Variants in CERS1 observed in about 807,000 individuals in gnomAD.
The protein encoded by CERS1 is Embryonic growth/differentiation factor 1.
In CERS1, 16 loss-of-function variants were observed where a neutral mutation model predicts 35.7. That is an observed-to-expected ratio of 0.45 (90% CI 0.30 to 0.68). The LOEUF (loss-of-function observed/expected upper bound fraction) is 0.68, where lower values mean the gene tolerates loss of function less well. CERS1 is among the 30% of genes least tolerant of loss of function. The pLI, the probability that CERS1 is intolerant of heterozygous loss-of-function variation, is 0.08. For missense variants in CERS1, 454 were observed against 453.9 expected (o/e 1.00, Z 0.00); for synonymous variants, 243 against 201.6 (o/e 1.21, Z -1.74).
chr19:18,884,673 C>G lies in CERS1; in HGVS notation c.410-406G>C, dbSNP rs2056305678. Among the ~76,000 whole-genome samples, 2 of 141,326 alleles carry G rather than the reference C, an allele frequency of 1.4e-5. 1 individual carries two copies. Among genetic ancestry groups the G allele is most frequent in the South Asian group, 4.6e-4 (2 of 4,362 alleles). The allele number at this position is 141,326 out of a possible 152,430, so 92.7% of individuals were successfully genotyped here. Reference sequence around the variant, plus strand: ...TCACCTGCCTCGGCCTCCCAAAGTTCTGGGATTACAGGCGTGAGCCACCCC... The same window carrying G: ...TCACCTGCCTCGGCCTCCCAAAGTTGTGGGATTACAGGCGTGAGCCACCCC... On this transcript the variant is annotated intron_variant, in intron 2 of 7. Coordinates refer to ENST00000623882, the MANE Select transcript of CERS1 (RefSeq NM_021267.5).
chr19:18,884,795 C>T (rs1253059173), intron 2 of CERS1, among the ~76,000 whole-genome samples: 1 of 138,918 alleles, frequency 7.2e-6, no homozygotes, highest in Non-Finnish European at 1.5e-5. Context: ...CTCACTGCAA[C>T]CTCCACCTCC....
At position 18,878,110 on chromosome 19, in the gene CERS1, G is replaced by A. The variant is rs1248525174; in HGVS notation, c.1010+820C>T. ...GAGCCACTGCTTCCCTGAAACCATC[G>A]TTCCCACGTCACCGATGGCCCCCAC... On this transcript the variant is annotated intron_variant, in intron 6 of 7. Coordinates refer to ENST00000623882, the MANE Select transcript of CERS1 (RefSeq NM_021267.5). The surrounding 1 kb of genome is among the most constrained non-coding windows in gnomAD (Gnocchi z 4.6). 6.1e-6 allele frequency: 6 copies of A among 985,378 alleles called. No homozygotes were observed. Among genetic ancestry groups the A allele is most frequent in the South Asian group, 4.7e-5 (1 of 21,278 alleles). 61.0% of individuals were successfully genotyped at this position (985,378 alleles called of 1,614,324 possible).
At chr19:18,886,287 C>A (rs370192977) in intron 2 of CERS1, among the ~76,000 whole-genome samples, 2 of 152,122 alleles carry the variant, frequency 1.3e-5, no homozygotes, top group South Asian at 4.2e-4. Flanking sequence ...CAGTGGCTCA[C>A]GCCTGTAATC....
In CERS1 at chr19:18,880,492, T is replaced by C. The variant is rs1316794663; in HGVS notation, c.591-57A>G. ...AGCTCACATTGGGGGACCTCCACTCTGCACTAAGGCCCCCAGCAGAGTCCC... is the reference window on the plus strand; with the variant it reads ...AGCTCACATTGGGGGACCTCCACTCCGCACTAAGGCCCCCAGCAGAGTCCC... On this transcript the variant is annotated intron_variant, in intron 3 of 7. Transcript: ENST00000623882. The C allele has an allele frequency of 1.1e-5, 17 of 1,485,582 alleles. No individual in the cohort carries two copies. The South Asian group carries it at 2.0e-4, about 17-fold the overall frequency. 92.0% of individuals were successfully genotyped at this position (1,485,582 alleles called of 1,614,324 possible).
At chr19:18,894,072 G>A (rs1016624143) in intron 1 of CERS1, among the ~76,000 whole-genome samples, 1 of 151,830 alleles carries the variant, frequency 6.6e-6, no homozygotes, top group African/African-American at 2.4e-5. Context: ...GGAGAGACTA[G>A]GGGGAAGGTG....
At chr19:18,871,270 A>T (rs2145991941) in intron 6 of CERS1, among the ~76,000 whole-genome samples, 2 of 137,432 alleles carry the variant, frequency 1.5e-5, no homozygotes, top group Non-Finnish European at 1.5e-5. Flanking sequence ...TCTGTTGCCT[A>T]GTCTGGAGTG....
intron 2 of CERS1, 33 bp from the exon 3 acceptor site, chr19:18,884,300 T>C: frequency 7.0e-6 from 11 of 1,582,680 alleles, no homozygotes; most frequent in Non-Finnish European, 9.4e-6. Flanking sequence ...GTCAGGGCCC[T>C]GCGAAGCCTC....
Position 18,871,784 on chromosome 19 carries a change from C to CCAT in CERS1, c.1011-1168_1011-1166dup, listed in dbSNP as rs1181799881. Among the ~76,000 whole-genome samples, 4 of 152,198 alleles carry CCAT rather than the reference C, an allele frequency of 2.6e-5. No individual in the cohort carries two copies. In the East Asian group the frequency reaches 7.7e-4, roughly 29 times the overall value. On this transcript the variant is annotated intron_variant, in intron 6 of 7. Transcript: ENST00000623882. ...AGGAGATAAGCCTTGCTTGGACCTC[C>CCAT]CATCTGTCACTTGTCTTCTGATTTT... is the stretch of plus-strand genomic sequence containing the variant.
chr19:18,868,805 A>G lies in CERS1; in HGVS notation c.*1180T>C, dbSNP rs1208767118. ...CGGCCCCCCGGACCCCGACAGCGCGACGGGCAGCGCGCACTGACCCTGGCA... is the reference window on the plus strand; with the variant it reads ...CGGCCCCCCGGACCCCGACAGCGCGGCGGGCAGCGCGCACTGACCCTGGCA... On this transcript the variant is annotated 3_prime_UTR_variant, in exon 8 of 8. Transcript: ENST00000623882. 4 of 1,456,088 alleles carry G rather than the reference A, an allele frequency of 2.7e-6. No individual in the cohort carries two copies. The highest frequency in any genetic ancestry group is 3.0e-5 in the African/African-American group (2 of 66,902). 90.2% of individuals were successfully genotyped at this position (1,456,088 alleles called of 1,614,324 possible). A position where few individuals can be genotyped will look rare whatever the true frequency, so the allele number is the denominator to read the frequency against.
In CERS1 at chr19:18,895,905, C is replaced by A; in HGVS notation, c.168G>T (p.Ala56=). 1 of 1,251,860 alleles carries A rather than the reference C, an allele frequency of 8.0e-7. No individual in the cohort carries two copies. Among genetic ancestry groups the A allele is most frequent in the Non-Finnish European group, 1.0e-6 (1 of 997,080 alleles). 77.5% of individuals were successfully genotyped at this position (1,251,860 alleles called of 1,614,324 possible). A position where few individuals can be genotyped will look rare whatever the true frequency, so the allele number is the denominator to read the frequency against. The stretch of plus-strand genomic sequence containing the variant: ...GCGCCAGCAGCAGCAGCTCGGGCGG[C>A]GCCAGGTGCGCGTGCTCAGCCAGGC... ...RRGLAEHAHL[A]PPELLLLALG... The change falls in exon 1 of 8, where the codon GCG becomes GCT. Residue 56 remains alanine, a synonymous_variant. Coordinates refer to ENST00000623882, the MANE Select transcript of CERS1 (RefSeq NM_021267.5). The surrounding 1 kb of genome is among the most constrained non-coding windows in gnomAD (Gnocchi z 6.4).
chr19:18,869,239 C>CGGGGCT lies in CERS1; in HGVS notation c.*740_*745dup, dbSNP rs2055914092. The CGGGGCT allele has an allele frequency of 4.2e-6, 6 of 1,418,050 alleles. No individual in the cohort carries two copies. The highest frequency in any genetic ancestry group is 4.6e-6 in the Non-Finnish European group (5 of 1,097,200). The allele number at this position is 1,418,050 out of a possible 1,614,324, so 87.8% of individuals were successfully genotyped here. A position where few individuals can be genotyped will look rare whatever the true frequency, so the allele number is the denominator to read the frequency against. ...CCACGCTCAGCTCCCAGCCGCCCTC[C>CGGGGCT]GGGGCTGCCGCCGCCGCCGCCGCGA... is the stretch of plus-strand genomic sequence containing the variant. On this transcript the variant is annotated 3_prime_UTR_variant, in exon 8 of 8. Transcript: ENST00000623882.
chr19:18,884,872 C>G (rs1400276803), intron 2 of CERS1, among the ~76,000 whole-genome samples: 3 of 151,890 alleles, frequency 2.0e-5, no homozygotes, highest in African/African-American at 7.3e-5. Context: ...GGACACCATG[C>G]CCGGCTAATT....
At chr19:18,877,250 C>T (rs998527272) in intron 6 of CERS1, among the ~76,000 whole-genome samples, 12 of 152,148 alleles carry the variant, frequency 7.9e-5, no homozygotes, top group African/African-American at 2.4e-4. Context: ...ACATCCTCAG[C>T]GGGGACAGAG....
At chr19:18,881,571 C>T (rs1394472841) in intron 3 of CERS1, 1 of 152,166 alleles carries the variant, frequency 6.6e-6, no homozygotes, top group African/African-American at 2.4e-5. Flanking sequence ...TCCACAGAGT[C>T]TCCATCTGAC....
At chr19:18,881,828 A>G (rs1454862715) in intron 3 of CERS1, 1 of 150,726 alleles carries the variant, frequency 6.6e-6, no homozygotes, top group Non-Finnish European at 1.5e-5. Context: ...TGCAGCCACA[A>G]TTTTTTTTTG....
At position 18,895,911 on chromosome 19, in the gene CERS1, G is replaced by T; in HGVS notation, c.162C>A (p.His54Gln). ...LARRGLAEHA[H>Q]LAPPELLLLA... ...GCAGCAGCAGCTCGGGCGGCGCCAG[G>T]TGCGCGTGCTCAGCCAGGCCGCGAC... Residue 54 changes from histidine (H) to glutamine (Q), a missense_variant, in exon 1 of 8, where the codon CAC becomes CAA. By Grantham distance (24) the His-to-Gln change is conservative. Transcript: ENST00000623882. The surrounding 1 kb of genome is among the most constrained non-coding windows in gnomAD (Gnocchi z 6.4). 1 of 1,249,564 alleles carries T rather than the reference G, an allele frequency of 8.0e-7. No homozygotes were observed. The highest frequency in any genetic ancestry group is 2.3e-5 in the South Asian group (1 of 44,394). The allele number at this position is 1,249,564 out of a possible 1,614,324, so 77.4% of individuals were successfully genotyped here. A position where few individuals can be genotyped will look rare whatever the true frequency, so the allele number is the denominator to read the frequency against.
At position 18,879,050 on chromosome 19, in the gene CERS1, G is replaced by A. The variant is rs2075762; in HGVS notation, c.901-11C>T. On this transcript the variant is annotated splice_polypyrimidine_tract_variant and intron_variant, in intron 5 of 7. Coordinates refer to ENST00000623882, the MANE Select transcript of CERS1 (RefSeq NM_021267.5). The stretch of plus-strand genomic sequence containing the variant: ...AAACGCCACGATGTACTGCGAGAGG[G>A]GAGGGGAGGTGCCAGTGAGAAGAAA... 0.13 allele frequency: 213,460 copies of A among 1,612,294 alleles called. 16,649 individuals carry two copies. Among genetic ancestry groups the A allele is most frequent in the East Asian group, 0.35 (15,632 of 44,832 alleles).
At chr19:18,891,604 G>T (rs1184825901) in intron 2 of CERS1, among the ~76,000 whole-genome samples, 3 of 152,082 alleles carry the variant, frequency 2.0e-5, no homozygotes, top group Non-Finnish European at 4.4e-5. Flanking sequence ...CCCAGGCAGG[G>T]TCTCGCTCTG....
Position 18,895,972 on chromosome 19 carries a change from G to A in CERS1, c.101C>T (p.Ala34Val). The stretch of plus-strand genomic sequence containing the variant: ...CCAGCCGCAGTCCGTGCAGCCCCGC[G>A]CCGCCGCCAGCGCGCTGCCCCAGCC... ...QRGWGSALAA[A>V]RGCTDCGWGL... Residue 34 changes from alanine to valine, a missense_variant, in exon 1 of 8, where the codon GCG (alanine) becomes GTG (valine). Physicochemically the swap from Ala to Val is moderately conservative, Grantham distance 64. Coordinates refer to ENST00000623882, the MANE Select transcript of CERS1 (RefSeq NM_021267.5). The surrounding 1 kb of genome is among the most constrained non-coding windows in gnomAD (Gnocchi z 6.4). 9.5e-7 allele frequency: 1 copy of A among 1,057,902 alleles called. No individual in the cohort carries two copies. The highest frequency in any genetic ancestry group is 1.1e-6 in the Non-Finnish European group (1 of 876,710). The allele number at this position is 1,057,902 out of a possible 1,614,324, so 65.5% of individuals were successfully genotyped here. A position where few individuals can be genotyped will look rare whatever the true frequency, so the allele number is the denominator to read the frequency against.
Sources: gnomAD v4.1 joint callset for allele counts (sites outside exome capture counted in the v4.1 genomes callset) on GRCh38, gnomAD v4.1.1 for gene constraint, Gnocchi (gnomAD v3.1) non-coding constraint, MANE v1.5 for transcripts, NCBI Gene and HGNC (gene_info 2026-07-23, HGNC 2026-07-21) for gene names.